TBC1D30: variants seen among roughly 807,000 people sequenced by gnomAD.
The protein encoded by TBC1D30 is TBC1 domain family member 30, also known as TBC1 domain family, member 30.
A neutral mutation model predicts 63.2 loss-of-function variants in TBC1D30; 31 were observed. The ratio of observed to expected loss-of-function variants is 0.49; its 90% CI spans 0.37 to 0.66. The LOEUF is 0.66. Ranked by LOEUF, TBC1D30 falls within the 30% of genes least tolerant of loss-of-function variation. The pLI is 0.00. For synonymous variants in TBC1D30, 307 were observed against 361.5 expected (o/e 0.85, Z 1.71); for missense variants, 810 against 953.6 (o/e 0.85, Z 1.98).
At chr12:64,868,665 G>T in intron 10 of TBC1D30, 2 of 301,272 alleles carry the variant, frequency 6.6e-6, no homozygotes, top group South Asian at 4.1e-5. Flanking sequence ...TGGCATAGCA[G>T]GAACCTTCTT....
chr12:64,868,781 T>G (rs1425199591), intron 10 of TBC1D30: 1 of 170,908 alleles, frequency 5.9e-6, no homozygotes, highest in Non-Finnish European at 1.2e-5. Context: ...CTGACATCTC[T>G]TCAAATCTTT....
intron 2 of TBC1D30, among the ~76,000 whole-genome samples, chr12:64,807,011 G>A (rs1872910305): frequency 1.3e-5 from 2 of 152,200 alleles, no homozygotes; most frequent in Non-Finnish European, 2.9e-5. Context: ...TTTAATGGTG[G>A]TTTCCAGGGG....
At chr12:64,795,859 A>T (rs1213341960) in intron 2 of TBC1D30, among the ~76,000 whole-genome samples, 1 of 149,420 alleles carries the variant, frequency 6.7e-6, no homozygotes. Flanking sequence ...TTCCTTTTTC[A>T]TAAACTCATT....
At chr12:64,771,547 C>G (rs1870906442) in intron 1 of TBC1D30, among the ~76,000 whole-genome samples, 2 of 152,046 alleles carry the variant, frequency 1.3e-5, no homozygotes, top group Admixed American at 1.3e-4. Context: ...AATAGGTAGC[C>G]CAGACTCCCA....
intron 1 of TBC1D30, among the ~76,000 whole-genome samples, chr12:64,827,095 AC>A (rs1438071333): frequency 2.6e-5 from 4 of 152,274 alleles, no homozygotes; most frequent in African/African-American, 9.6e-5. Context: ...AATTTGTAAA[AC>A]TTAATGTTAT....
At chr12:64,795,548 G>A (rs1426124369) in intron 2 of TBC1D30, among the ~76,000 whole-genome samples, 1 of 152,120 alleles carries the variant, frequency 6.6e-6, no homozygotes, top group Non-Finnish European at 1.5e-5. Context: ...TGGGGAACTG[G>A]TTGCCAATCC....
chr12:64,787,935 G>A (rs911952034), intron 2 of TBC1D30, among the ~76,000 whole-genome samples: 22 of 152,126 alleles, frequency 1.4e-4, no homozygotes, highest in Admixed American at 1.4e-3. Context: ...TCAGGAGGCT[G>A]AGGCAGGAGA....
intron 11 of TBC1D30, 97 bp from the exon 12 acceptor site, chr12:64,874,904 G>A: frequency 8.6e-7 from 1 of 1,161,626 alleles, no homozygotes; most frequent in Non-Finnish European, 1.2e-6. Context: ...AAGGGATGTG[G>A]TAGACGGGGC....
At position 64,875,041 on chromosome 12, in the gene TBC1D30, C is replaced by T. The variant is rs1186105965; in HGVS notation, c.1539C>T (p.Asn513=). The T allele has an allele frequency of 2.0e-6, 3 of 1,536,768 alleles. No individual in the cohort carries two copies. Among genetic ancestry groups the T allele is most frequent in the South Asian group, 1.2e-5 (1 of 84,054 alleles). The change falls in exon 12 of 12, where the codon AAC becomes AAT. Residue 513 remains asparagine, a synonymous_variant. Transcript: ENST00000539867. ...PVTSILPSQV[N]SSPVINHLLL... is the part of the protein sequence containing the mutation. Reference sequence around the variant, plus strand: ...CCAGCATTCTCCCGTCTCAGGTAAACAGTTCTCCAGTTATAAACCACCTTC... The same window carrying T: ...CCAGCATTCTCCCGTCTCAGGTAAATAGTTCTCCAGTTATAAACCACCTTC...
chr12:64,871,937 G>GTTTGT (rs1395769839), intron 11 of TBC1D30, among the ~76,000 whole-genome samples: 1 of 152,182 alleles, frequency 6.6e-6, no homozygotes, highest in African/African-American at 2.4e-5. Flanking sequence ...TGCTAAATCG[G>GTTTGT]CCCAGTGGTT....
chr12:64,807,867 A>G (rs1872961309), intron 2 of TBC1D30, among the ~76,000 whole-genome samples: 1 of 149,936 alleles, frequency 6.7e-6, no homozygotes. Flanking sequence ...TTCCTGCCTC[A>G]GCCTCCTGAG....
intron 5 of TBC1D30, among the ~76,000 whole-genome samples, chr12:64,836,270 C>T (rs1472019049): frequency 6.6e-6 from 1 of 152,128 alleles, no homozygotes. Context: ...CAGACAGCAG[C>T]GGACTTGGGG....
intron 1 of TBC1D30, among the ~76,000 whole-genome samples, chr12:64,763,214 C>T (rs564005226): frequency 6.6e-6 from 1 of 152,282 alleles, no homozygotes; most frequent in South Asian, 2.1e-4. Flanking sequence ...CCTCAGCCTC[C>T]CAAAGTGCTG....
At chr12:64,829,110 G>A (rs80136829) in intron 3 of TBC1D30, among the ~76,000 whole-genome samples, 4,597 of 152,250 alleles carry the variant, frequency 0.03, 214 homozygotes, top group African/African-American at 0.11. Flanking sequence ...GTGGCAGATC[G>A]TGGAGAACCT....
intron 2 of TBC1D30, among the ~76,000 whole-genome samples, chr12:64,800,653 G>C (rs1311725680): frequency 1.3e-5 from 2 of 152,052 alleles, no homozygotes; most frequent in Admixed American, 1.3e-4. Flanking sequence ...GCGAGGGAAG[G>C]GAGTGACCTG....
intron 1 of TBC1D30, among the ~76,000 whole-genome samples, chr12:64,766,055 A>G (rs1201304446): frequency 6.6e-6 from 1 of 152,132 alleles, no homozygotes; most frequent in East Asian, 1.9e-4. Context: ...GAATAGCACT[A>G]TATCTGAAAA....
intron 2 of TBC1D30, among the ~76,000 whole-genome samples, chr12:64,811,035 A>G: frequency 6.6e-6 from 1 of 152,152 alleles, no homozygotes. Context: ...CATTCTAAAC[A>G]TTTCTCTTTG....
At chr12:64,827,940 A>G in intron 2 of TBC1D30, 44 bp downstream of exon 2, 2 of 1,304,384 alleles carry the variant, frequency 1.5e-6, no homozygotes, top group East Asian at 2.5e-5. Flanking sequence ...GGTTACCAAC[A>G]GGGCACATTG....
At chr12:64,836,711 C>T in intron 6 of TBC1D30, 53 bp downstream of exon 6, 1 of 1,462,002 alleles carries the variant, frequency 6.8e-7, no homozygotes. Context: ...TCTGATTCCA[C>T]TGTACAAATG....
Sources: allele counts gnomAD v4.1 joint callset (sites outside exome capture counted in the v4.1 genomes callset), GRCh38; gene constraint gnomAD v4.1.1; transcripts MANE v1.5; gene names NCBI Gene and HGNC (gene_info 2026-07-23, HGNC 2026-07-21).